The following LHFPL3 variants were observed in gnomAD, a reference collection of about 807,000 sequenced individuals.
LHFPL3 encodes the protein LHFPL tetraspan subfamily member 3 protein.
LHFPL3 carries 5 observed loss-of-function variants against 19.3 expected under a neutral mutation model. The observed-to-expected ratio is 0.26, with a 90% CI of 0.14 to 0.54. The LOEUF (loss-of-function observed/expected upper bound fraction) is 0.54. LHFPL3 is among the 20% of genes least tolerant of loss of function. The pLI is 0.94. For missense variants in LHFPL3, 249 were observed against 307.4 expected (o/e 0.81, Z 1.42); for synonymous variants, 133 against 126.2 (o/e 1.05, Z -0.36).
chr7:104,564,081 T>C (rs886276803), intron 1 of LHFPL3, among the ~76,000 whole-genome samples: 1 of 152,200 alleles, frequency 6.6e-6, no homozygotes, highest in African/African-American at 2.4e-5. Context: ...AATCCTATGA[T>C]GTGGCTACTA....
intron 1 of LHFPL3, among the ~76,000 whole-genome samples, chr7:104,340,426 T>C (rs1450908395): frequency 6.6e-6 from 1 of 152,182 alleles, no homozygotes; most frequent in Non-Finnish European, 1.5e-5. Context: ...TTCTTAGGAT[T>C]ATTGAATTAA....
At chr7:104,599,060 C>T (rs1241626050) in intron 1 of LHFPL3, among the ~76,000 whole-genome samples, 1 of 152,126 alleles carries the variant, frequency 6.6e-6, no homozygotes, top group African/African-American at 2.4e-5. Context: ...TGCTTCTAAA[C>T]AAAATGAAAG....
rs1349686854 is a variant in LHFPL3 at position 104,819,391 on chromosome 7, A to C, written c.682+82480A>C. Among the ~76,000 whole-genome samples the C allele has an allele frequency of 2.6e-5, 4 of 152,078 alleles. No individual in the cohort carries two copies. In the East Asian group the frequency reaches 7.7e-4, roughly 29 times the overall value. Reference sequence around the variant, plus strand: ...ATTTAGATCTGGAAAAAAAAAAAAAAAAAACCTGCTGTCTCAATTACTTAC... The same window carrying C: ...ATTTAGATCTGGAAAAAAAAAAAAACAAAACCTGCTGTCTCAATTACTTAC... On this transcript the variant is annotated intron_variant, in intron 2 of 2. Transcript: ENST00000424859.
chr7:104,475,046 A>G (rs1336436715), intron 1 of LHFPL3, among the ~76,000 whole-genome samples: 1 of 152,236 alleles, frequency 6.6e-6, no homozygotes, highest in African/African-American at 2.4e-5. Flanking sequence ...GTTTGTTGAG[A>G]TGAAGAGAGA....
chr7:104,430,433 T>TATATACGTATATATATATATATATACAC (rs1562895279), intron 1 of LHFPL3, among the ~76,000 whole-genome samples: 1 of 13,682 alleles, frequency 7.3e-5, no homozygotes, highest in East Asian at 1.6e-3. Flanking sequence ...TATATATATA[T>TATATACGTATATATATATATATATACAC]ATATATATAT....
intron 1 of LHFPL3, among the ~76,000 whole-genome samples, chr7:104,680,061 T>C (rs753323090): frequency 6.6e-6 from 1 of 152,190 alleles, no homozygotes; most frequent in Non-Finnish European, 1.5e-5. Flanking sequence ...TGCACTGAGC[T>C]GATTAATCAG....
At chr7:104,559,337 G>T (rs1298550123) in intron 1 of LHFPL3, among the ~76,000 whole-genome samples, 10 of 149,910 alleles carry the variant, frequency 6.7e-5, no homozygotes, top group Admixed American at 6.6e-4. Context: ...CCATTTGTTT[G>T]TATCCTCTTT....
intron 1 of LHFPL3, among the ~76,000 whole-genome samples, chr7:104,534,412 C>T (rs1017061196): frequency 6.6e-6 from 1 of 152,242 alleles, no homozygotes; most frequent in Non-Finnish European, 1.5e-5. Context: ...TCTACCCACA[C>T]TTCCATCTCG....
chr7:104,332,692 GCA>G (rs1801593140), intron 1 of LHFPL3, among the ~76,000 whole-genome samples: 2 of 152,066 alleles, frequency 1.3e-5, no homozygotes, highest in Admixed American at 1.3e-4. Context: ...GGTGTGTGAA[GCA>G]CATTTAATTT....
intron 2 of LHFPL3, among the ~76,000 whole-genome samples, chr7:104,844,719 A>G (rs550942526): frequency 6.6e-6 from 1 of 152,332 alleles, no homozygotes; most frequent in East Asian, 1.9e-4. Context: ...TCCTTGTAGA[A>G]TAATAGAGAT....
chr7:104,776,832 A>G (rs928071540), intron 2 of LHFPL3, among the ~76,000 whole-genome samples: 7 of 152,204 alleles, frequency 4.6e-5, no homozygotes, highest in African/African-American at 1.4e-4. Context: ...CAAACTCTAC[A>G]TTGTAAAAAA....
intron 2 of LHFPL3, among the ~76,000 whole-genome samples, chr7:104,738,199 G>A (rs922143885): frequency 5.3e-5 from 8 of 152,068 alleles, no homozygotes; most frequent in African/African-American, 1.4e-4. Flanking sequence ...AAAAACAAAA[G>A]TACCACCTTC....
At chr7:104,890,339 C>A (rs1792221022) in intron 2 of LHFPL3, among the ~76,000 whole-genome samples, 1 of 152,168 alleles carries the variant, frequency 6.6e-6, no homozygotes, top group African/African-American at 2.4e-5. Flanking sequence ...CTGCTCTATA[C>A]CTGCAGAGCA....
At chr7:104,487,356 A>T (rs1793255476) in intron 1 of LHFPL3, among the ~76,000 whole-genome samples, 1 of 152,196 alleles carries the variant, frequency 6.6e-6, no homozygotes, top group Non-Finnish European at 1.5e-5. Flanking sequence ...TATTTACCAA[A>T]TTATTCCAGC....
At chr7:104,731,105 A>G (rs982915131) in intron 1 of LHFPL3, among the ~76,000 whole-genome samples, 4 of 152,258 alleles carry the variant, frequency 2.6e-5, no homozygotes, top group African/African-American at 9.6e-5. Flanking sequence ...ATTGGTCTCT[A>G]TATCTGTTTG....
chr7:104,730,368 A>T (rs1166520799), intron 1 of LHFPL3, among the ~76,000 whole-genome samples: 1 of 152,196 alleles, frequency 6.6e-6, no homozygotes, highest in Non-Finnish European at 1.5e-5. Context: ...CCAACAGTGT[A>T]AAAGTGTTCC....
chr7:104,856,675 C>T (rs958573658), intron 2 of LHFPL3, among the ~76,000 whole-genome samples: 4 of 152,198 alleles, frequency 2.6e-5, no homozygotes, highest in African/African-American at 4.8e-5. Context: ...ATATTGTACA[C>T]GTGAGAATCT....
chr7:104,675,668 AT>A (rs935720434), intron 1 of LHFPL3, among the ~76,000 whole-genome samples: 5 of 152,184 alleles, frequency 3.3e-5, no homozygotes, highest in African/African-American at 1.2e-4. Flanking sequence ...TTTTGAGTTG[AT>A]TTTGAAGGCA....
chr7:104,815,846 G>C (rs4604355), intron 2 of LHFPL3, among the ~76,000 whole-genome samples: 151,589 of 152,272 alleles, frequency 1, 75,458 homozygotes, highest in Middle Eastern at 1. Flanking sequence ...TGCCTCGTGT[G>C]AGTACTAGGG....
Sources: allele counts gnomAD v4.1 joint callset (sites outside exome capture counted in the v4.1 genomes callset), GRCh38; gene constraint gnomAD v4.1.1; transcripts MANE v1.5; gene names NCBI Gene and HGNC (gene_info 2026-07-23, HGNC 2026-07-21).